CORO7: variants seen among roughly 807,000 people sequenced by gnomAD.
The protein encoded by CORO7 is coronin 7.
CORO7 carries 107 observed loss-of-function variants against 126.6 expected under a neutral mutation model. That is an observed-to-expected ratio of 0.85 (90% confidence interval 0.72 to 0.99). CORO7 has a LOEUF of 0.99. Ranked by LOEUF, CORO7 falls within the 50% of genes least tolerant of loss-of-function variation. The pLI is 0.00. For missense variants in CORO7, 1,314 were observed against 1,255.8 expected, an observed-to-expected ratio of 1.05 and a Z score of -0.70; for synonymous variants, 603 against 536.8, an observed-to-expected ratio of 1.12 and a Z score of -1.70.
At chr16:4,391,826 C>T (rs2055403240) in intron 7 of CORO7, among the ~76,000 whole-genome samples, 1 of 152,234 alleles carries the variant, frequency 6.6e-6, no homozygotes, top group South Asian at 2.1e-4. Flanking sequence ...ACCCAGGCAT[C>T]CTGCTACCCT....
rs765184965 is a variant in CORO7, at chr16:4,388,617, A to G, written c.630T>C (p.His210=). 3 of 1,611,926 alleles carry G rather than the reference A, an allele frequency of 1.9e-6. No homozygotes were observed. The African/African-American group carries it at 4.0e-5, about 22-fold the overall frequency. The part of the protein sequence containing the change: ...KPRASQSTQA[H]ENSRDSRLAW... ...CCAGCCGGCTATCCCTGCTGTTCTC[A>G]TGGGCCTGCGTGCTCTGCAGGAGGC... Residue 210 remains histidine, a synonymous_variant, in exon 8 of 28, where the codon CAT becomes CAC. Coordinates refer to ENST00000251166, the MANE Select transcript of CORO7 (RefSeq NM_024535.5).
Position 4,404,758 on chromosome 16 carries a change from C to T in CORO7, c.564+733G>A, listed in dbSNP as rs139136585. On this transcript the variant is annotated intron_variant, in intron 6 of 27. Transcript: ENST00000251166. ...GGCTTCCTCCTCCCAAAGGTCTCCG[C>T]CACTCCCGGCAGAGAACAGCTCTCA... Among the ~76,000 whole-genome samples the T allele has an allele frequency of 3.0e-3, 458 of 152,252 alleles. 3 individuals are homozygous for T. The highest frequency in any genetic ancestry group is 0.011 in the African/African-American group (441 of 41,532).
chr16:4,411,490 C>T (rs2056205729), intron 3 of CORO7, among the ~76,000 whole-genome samples: 1 of 151,972 alleles, frequency 6.6e-6, no homozygotes, highest in South Asian at 2.1e-4. Flanking sequence ...TTGCTTGAGC[C>T]CAGAAGTTTG....
At chr16:4,360,066 T>C (rs1191684518) in intron 21 of CORO7, among the ~76,000 whole-genome samples, 2 of 143,438 alleles carry the variant, frequency 1.4e-5, no homozygotes, top group East Asian at 4.4e-4. Flanking sequence ...CATCCGCCCA[T>C]CTATCCCCAC....
At chr16:4,382,160 T>C (rs770899387) in intron 9 of CORO7, 23 of 1,593,286 alleles carry the variant, frequency 1.4e-5, no homozygotes, top group Non-Finnish European at 1.9e-5. Context: ...CGGCACCACC[T>C]GGCGTGCTTG....
In CORO7 at chr16:4,360,297, G is replaced by A; in HGVS notation, c.2089C>T (p.Leu697=). The A allele has an allele frequency of 6.2e-7, 1 of 1,613,630 alleles. No homozygotes were observed. The highest frequency in any genetic ancestry group is 8.5e-7 in the Non-Finnish European group (1 of 1,179,998). Residue 697 remains leucine (L), a synonymous_variant, in exon 21 of 28, where the codon CTG becomes TTG. Transcript: ENST00000251166. ...IVWVCDGRCL[L]VSGFDSQSER... is the part of the protein sequence containing the mutation. ...CCTCACCTGTCAAAGCCAGACACCA[G>A]CAGACAGCGACCATCACATACCCAG...
intron 9 of CORO7, among the ~76,000 whole-genome samples, chr16:4,365,993 G>C (rs1380698562): frequency 6.6e-6 from 1 of 152,232 alleles, no homozygotes; most frequent in Admixed American, 6.5e-5. Context: ...TCCGGGAGCA[G>C]TGCAGGCAGC....
intron 6 of CORO7, 160 bp downstream of exon 6, chr16:4,405,331 G>T (rs1247021851): frequency 7.4e-6 from 5 of 679,504 alleles, no homozygotes; most frequent in African/African-American, 1.9e-5. Context: ...AGGTGAGCGG[G>T]GGTGTGAGGA....
At chr16:4,415,856 C>A (rs564657174) in intron 1 of CORO7, 1 of 985,648 alleles carries the variant, frequency 1.0e-6, no homozygotes, top group Admixed American at 6.1e-5. Flanking sequence ...GCTCAGGCTT[C>A]CCCAGGCCCC....
intron 21 of CORO7, 37 bp from the exon 22 acceptor site, chr16:4,359,658 G>C (rs1385581249): frequency 1.2e-5 from 18 of 1,560,494 alleles, no homozygotes; most frequent in East Asian, 2.3e-5. Flanking sequence ...AGGTGTTTCA[G>C]AGCTGAAGGG....
intron 7 of CORO7, among the ~76,000 whole-genome samples, chr16:4,390,681 G>A (rs1330742083): frequency 3.3e-5 from 5 of 152,184 alleles, no homozygotes; most frequent in East Asian, 1.9e-4. Flanking sequence ...GGGGTGGGAC[G>A]CCCTTGGCCT....
At chr16:4,373,411 G>C (rs756599141) in intron 9 of CORO7, among the ~76,000 whole-genome samples, 1 of 152,164 alleles carries the variant, frequency 6.6e-6, no homozygotes, top group African/African-American at 2.4e-5. Flanking sequence ...CTGTGGGTCC[G>C]GAGGGTCAGA....
chr16:4,365,034 C>T lies in CORO7; in HGVS notation c.867G>A (p.Glu289=), dbSNP rs749571828. Residue 289 remains glutamate, a synonymous_variant, in exon 11 of 28, where the codon GAG becomes GAA. Coordinates refer to ENST00000251166, the MANE Select transcript of CORO7 (RefSeq NM_024535.5). ...GKGERQLYCY[E]VVPQQPALSP... ...TCAGCGCCGGCTGCTGCGGGACCACCTCGTAACAGTACAGCTGCCTCTCGC... is the reference window on the plus strand; with the variant it reads ...TCAGCGCCGGCTGCTGCGGGACCACTTCGTAACAGTACAGCTGCCTCTCGC... 6.2e-7 allele frequency: 1 copy of T among 1,605,270 alleles called. No individual in the cohort carries two copies. Among genetic ancestry groups the T allele is most frequent in the Admixed American group, 1.7e-5 (1 of 58,986 alleles).
At chr16:4,359,230 C>T (rs892651002) in intron 23 of CORO7, 66 bp downstream of exon 23, 11 of 1,498,610 alleles carry the variant, frequency 7.3e-6, no homozygotes, top group Admixed American at 6.5e-5. Flanking sequence ...TACTTGCCCA[C>T]ATGGCCACCA....
In CORO7 at chr16:4,358,011, C is replaced by A. The variant is rs149619313; in HGVS notation, c.2550G>T (p.Gly850=). The change falls in exon 25 of 28, where the codon GGG becomes GGT. Residue 850 remains glycine (G), a synonymous_variant. Coordinates refer to ENST00000251166, the MANE Select transcript of CORO7 (RefSeq NM_024535.5). ...GCTGCAGGCTGAGAAGCCAGGGCTG[C>A]CCATTAGCGCCTTGCAGCCAGGCCT... The part of the protein sequence containing the change: ...SAEAWLQGAN[G]QPWLLSLQPP... 21 of 1,612,100 alleles carry A rather than the reference C, an allele frequency of 1.3e-5. No homozygotes were observed. The highest frequency in any genetic ancestry group is 1.6e-5 in the Non-Finnish European group (19 of 1,178,752).
intron 1 of CORO7, among the ~76,000 whole-genome samples, chr16:4,414,585 T>G: frequency 6.6e-6 from 1 of 152,156 alleles, no homozygotes; most frequent in East Asian, 1.9e-4. Flanking sequence ...TTCTCCCTCC[T>G]GATTCATGTT....
In CORO7 at chr16:4,388,617, A is replaced by C; in HGVS notation, c.630T>G (p.His210Gln). Residue 210 changes from histidine (H) to glutamine (Q), a missense_variant, in exon 8 of 28, where the codon CAT (histidine) becomes CAG (glutamine). His to Gln is a conservative substitution (Grantham distance 24). Coordinates refer to ENST00000251166, the MANE Select transcript of CORO7 (RefSeq NM_024535.5). ...KPRASQSTQA[H>Q]ENSRDSRLAW... ...CCAGCCGGCTATCCCTGCTGTTCTC[A>C]TGGGCCTGCGTGCTCTGCAGGAGGC... 3 of 1,612,044 alleles carry C rather than the reference A, an allele frequency of 1.9e-6. No homozygotes were observed. Among genetic ancestry groups the C allele is most frequent in the Non-Finnish European group, 2.5e-6 (3 of 1,179,544 alleles).
At chr16:4,373,538 A>G (rs1168894547) in intron 9 of CORO7, among the ~76,000 whole-genome samples, 2 of 152,130 alleles carry the variant, frequency 1.3e-5, no homozygotes, top group Non-Finnish European at 1.5e-5. Flanking sequence ...GACACTGCCC[A>G]GACCTGTGCT....
At chr16:4,394,194 C>A (rs959818437) in intron 7 of CORO7, among the ~76,000 whole-genome samples, 1 of 152,108 alleles carries the variant, frequency 6.6e-6, no homozygotes, top group Non-Finnish European at 1.5e-5. Flanking sequence ...GCCTGTAATC[C>A]CAGCACTTTA....
Sources: gnomAD v4.1 joint callset for allele counts (sites outside exome capture counted in the v4.1 genomes callset) on GRCh38, gnomAD v4.1.1 for gene constraint, MANE v1.5 for transcripts, NCBI Gene and HGNC (gene_info 2026-07-23, HGNC 2026-07-21) for gene names.